The following CNGB3 variants were observed in gnomAD, a reference collection of about 807,000 sequenced individuals.
CNGB3 encodes the protein cyclic nucleotide-gated channel beta-3.
A neutral mutation model predicts 92.8 loss-of-function variants in CNGB3; 86 were observed. That is an observed-to-expected ratio of 0.93 (90% confidence interval 0.78 to 1.11). The LOEUF (loss-of-function observed/expected upper bound fraction) is 1.11, where lower values mean the gene tolerates loss of function less well. CNGB3 is among the 50% of genes least tolerant of loss of function. The probability of loss-of-function intolerance (pLI) is 0.00; values close to 1 mark genes in which losing one functional copy is unlikely to be tolerated. For synonymous variants in CNGB3, 333 were observed against 332.7 expected, an observed-to-expected ratio of 1.00 and a Z score of -0.01; for missense variants, 1,026 against 956.8, an observed-to-expected ratio of 1.07 and a Z score of -0.95.
intron 2 of CNGB3, among the ~76,000 whole-genome samples, chr8:86,734,270 T>C (rs1825207753): frequency 6.6e-6 from 1 of 152,090 alleles, no homozygotes; most frequent in Admixed American, 6.6e-5. Context: ...GGAGAGATGA[T>C]AGGGACCTGG....
chr8:86,741,891 A>T (rs914799197), intron 1 of CNGB3, among the ~76,000 whole-genome samples: 5 of 152,016 alleles, frequency 3.3e-5, no homozygotes, highest in Non-Finnish European at 7.4e-5. Flanking sequence ...CTGCAGGCAA[A>T]GTATCTTAAA....
intron 9 of CNGB3, 140 bp downstream of exon 9, chr8:86,644,482 A>T: frequency 9.5e-7 from 1 of 1,055,472 alleles, no homozygotes; most frequent in Non-Finnish European, 1.3e-6. Flanking sequence ...GTTCTAGAAC[A>T]TAGTCCTATA....
At chr8:86,681,342 C>T (rs1312093752) in intron 3 of CNGB3, among the ~76,000 whole-genome samples, 8 of 152,010 alleles carry the variant, frequency 5.3e-5, no homozygotes, top group South Asian at 4.1e-4. Flanking sequence ...GCTAAACTGC[C>T]GAATGAACAC....
chr8:86,695,387 A>G (rs931127733), intron 3 of CNGB3, among the ~76,000 whole-genome samples: 2 of 152,022 alleles, frequency 1.3e-5, no homozygotes, highest in Non-Finnish European at 2.9e-5. Flanking sequence ...TTGTCAGATC[A>G]GGTTAATTCG....
intron 6 of CNGB3, chr8:86,661,537 T>G: frequency 1.4e-6 from 1 of 689,772 alleles, no homozygotes; most frequent in Non-Finnish European, 2.7e-6. Context: ...GGCCTTGACT[T>G]TGAGTCTTCC....
intron 3 of CNGB3, among the ~76,000 whole-genome samples, chr8:86,672,878 T>C (rs961069000): frequency 1.3e-5 from 2 of 152,202 alleles, no homozygotes; most frequent in African/African-American, 2.4e-5. Context: ...CATTAGGACA[T>C]ATAAAAGCCT....
In CNGB3 at chr8:86,575,516, C is replaced by T. The variant is rs181350408; in HGVS notation, c.*288G>A. The T allele has an allele frequency of 6.8e-6, 2 of 295,560 alleles. No individual in the cohort carries two copies. The highest frequency in any genetic ancestry group is 9.7e-5 in the Admixed American group (2 of 20,614). 18.3% of individuals were successfully genotyped at this position (295,560 alleles called of 1,614,324 possible). On this transcript the variant is annotated 3_prime_UTR_variant, in exon 18 of 18. Coordinates refer to ENST00000320005, the MANE Select transcript of CNGB3 (RefSeq NM_019098.5). ...AGCTAATAAAACTGGAAGGAAGAGA[C>T]ATCATCAGGAAAGAACCAAAGGAAA...
chr8:86,720,839 TACACACACACACACACACACACACAC>T (rs4024071), intron 3 of CNGB3, among the ~76,000 whole-genome samples: 1 of 129,888 alleles, frequency 7.7e-6, no homozygotes, highest in African/African-American at 3.0e-5. Context: ...TATATATGTA[TACACACACACACACACACACACACAC>T]ACACACACAC....
At position 86,670,650 on chromosome 8, in the gene CNGB3, G is replaced by A. The variant is rs111716614; in HGVS notation, c.493+294C>T. On this transcript the variant is annotated intron_variant, in intron 4 of 17. Coordinates refer to ENST00000320005, the MANE Select transcript of CNGB3 (RefSeq NM_019098.5). ...GCTGGTTTCAAATTCCTAGGCTCAA[G>A]CAATCCTCCTGTCTTGGTCTCCCAA... is the stretch of plus-strand genomic sequence containing the variant. Among the ~76,000 whole-genome samples the A allele has an allele frequency of 2.4e-3, 367 of 152,136 alleles. 2 individuals are homozygous for A. Among genetic ancestry groups the A allele is most frequent in the African/African-American group, 8.6e-3 (356 of 41,506 alleles).
chr8:86,704,873 G>A lies in CNGB3; in HGVS notation c.338+21658C>T, dbSNP rs114263179. 4.0e-3 allele frequency among the ~76,000 whole-genome samples: 613 copies of A among 152,084 alleles called. 2 individuals are homozygous for A. The highest frequency in any genetic ancestry group is 0.014 in the African/African-American group (571 of 41,472). On this transcript the variant is annotated intron_variant, in intron 3 of 17. Coordinates refer to ENST00000320005, the MANE Select transcript of CNGB3 (RefSeq NM_019098.5). ...AACAACTAATGACTTTTAAAATACC[G>A]TCTATTTTTTTCTTTTTTTGAAGTA...
At chr8:86,661,477 T>C (rs896672197) in intron 6 of CNGB3, 2 of 609,896 alleles carry the variant, frequency 3.3e-6, no homozygotes, top group South Asian at 1.5e-5. Context: ...AGCTCTTTCA[T>C]AAGTCCATCT....
rs548168519 is a variant in CNGB3 at position 86,583,708 on chromosome 8, C to G, written c.1782-4456G>C. On this transcript the variant is annotated intron_variant, in intron 15 of 17. Transcript: ENST00000320005. ...GTTGAGGCAGGCAGATTGCTGGAGCCCAGGAGTTCGAGACCAGACTGGGCA... is the reference window on the plus strand; with the variant it reads ...GTTGAGGCAGGCAGATTGCTGGAGCGCAGGAGTTCGAGACCAGACTGGGCA... Among the ~76,000 whole-genome samples, 11 of 151,848 alleles carry G rather than the reference C, an allele frequency of 7.2e-5. 1 individual carries two copies. The East Asian group carries it at 1.4e-3, about 19-fold the overall frequency.
intron 10 of CNGB3, among the ~76,000 whole-genome samples, chr8:86,637,291 GCTCT>G (rs1823090613): frequency 6.6e-6 from 1 of 152,008 alleles, no homozygotes; most frequent in Admixed American, 6.6e-5. Flanking sequence ...TTATTTCTGG[GCTCT>G]CTATTTTGTT....
chr8:86,638,986 G>T (rs1392389501), intron 10 of CNGB3, among the ~76,000 whole-genome samples: 1 of 151,618 alleles, frequency 6.6e-6, no homozygotes, highest in African/African-American at 2.4e-5. Flanking sequence ...TCAGCTATGA[G>T]GTATCTAGGA....
chr8:86,685,325 A>G (rs1824165420), intron 3 of CNGB3, among the ~76,000 whole-genome samples: 1 of 152,048 alleles, frequency 6.6e-6, no homozygotes, highest in Non-Finnish European at 1.5e-5. Context: ...GACCTGTCAC[A>G]TTGGCATCCC....
At chr8:86,717,666 C>T (rs1824884431) in intron 3 of CNGB3, among the ~76,000 whole-genome samples, 1 of 151,858 alleles carries the variant, frequency 6.6e-6, no homozygotes, top group Non-Finnish European at 1.5e-5. Context: ...TTAAACTATA[C>T]CCTACAACAA....
intron 2 of CNGB3, among the ~76,000 whole-genome samples, chr8:86,727,115 T>C (rs1156433558): frequency 6.6e-6 from 1 of 152,200 alleles, no homozygotes; most frequent in Non-Finnish European, 1.5e-5. Context: ...AAGATACAGT[T>C]TGAAATATGT....
At chr8:86,619,728 C>CTTTTTTTTTT (rs71275868) in intron 13 of CNGB3, among the ~76,000 whole-genome samples, 3 of 73,406 alleles carry the variant, frequency 4.1e-5, no homozygotes, top group Admixed American at 4.4e-4. Flanking sequence ...TGGTCTTGAC[C>CTTTTTTTTTT]TTTTTTTTTT....
At chr8:86,687,319 T>C (rs1430040889) in intron 3 of CNGB3, among the ~76,000 whole-genome samples, 3 of 151,984 alleles carry the variant, frequency 2.0e-5, no homozygotes, top group African/African-American at 7.2e-5. Context: ...TAGATAAACA[T>C]ACAATATATA....
Sources: gnomAD v4.1 joint callset for allele counts (sites outside exome capture counted in the v4.1 genomes callset) on GRCh38, gnomAD v4.1.1 for gene constraint, MANE v1.5 for transcripts, NCBI Gene and HGNC (gene_info 2026-07-23, HGNC 2026-07-21) for gene names.